The following PHF20 variants were observed in gnomAD, a reference collection of about 807,000 sequenced individuals.
PHF20 encodes the protein PHD finger protein 20, also known as glioma-expressed antigen 2.
A neutral mutation model predicts 113.5 loss-of-function variants in PHF20; 23 were observed. The observed-to-expected ratio is 0.20, with a 90% CI of 0.15 to 0.29. The LOEUF (loss-of-function observed/expected upper bound fraction) is 0.29. PHF20 is among the 10% of genes least tolerant of loss of function. The pLI, the probability that PHF20 is intolerant of heterozygous loss-of-function variation, is 1.00. For synonymous variants in PHF20, 434 were observed against 457.3 expected (o/e 0.95, Z 0.65); for missense variants, 943 against 1,219.6 (o/e 0.77, Z 3.38).
At chr20:35,874,925 C>A (rs533638539) in intron 9 of PHF20, among the ~76,000 whole-genome samples, 1 of 151,838 alleles carries the variant, frequency 6.6e-6, no homozygotes, top group Admixed American at 6.6e-5. Context: ...CATAGTGAGA[C>A]CCTCCCTCTT....
At chr20:35,869,317 G>T in intron 6 of PHF20, 121 bp from the exon 7 acceptor site, 1 of 491,982 alleles carries the variant, frequency 2.0e-6, no homozygotes, top group South Asian at 3.9e-5. Context: ...CCTTTTGATG[G>T]CCCATTTATA....
intron 10 of PHF20, among the ~76,000 whole-genome samples, chr20:35,910,795 A>C (rs936191438): frequency 6.6e-6 from 1 of 151,490 alleles, no homozygotes; most frequent in African/African-American, 2.4e-5. Context: ...CACCCAGCTA[A>C]TTTTTGTATT....
In PHF20 at chr20:35,798,753, C is replaced by CT. The variant is rs112228821; in HGVS notation, c.-32-2728dup. Among the ~76,000 whole-genome samples, 110 of 147,208 alleles carry CT rather than the reference C, an allele frequency of 7.5e-4. No homozygotes were observed. In the East Asian group the frequency reaches 0.01, roughly 14 times the overall value. On this transcript the variant is annotated intron_variant, in intron 1 of 17. Coordinates refer to ENST00000374012, the MANE Select transcript of PHF20 (RefSeq NM_016436.5). ...ATAGGCATGAGCCACCATGCCTGGCCTTTTTTTTTTGTTTTTGTTTTTTAA... is the reference window on the plus strand; with the variant it reads ...ATAGGCATGAGCCACCATGCCTGGCCTTTTTTTTTTTGTTTTTGTTTTTTAA...
chr20:35,862,022 T>C (rs537108640), intron 5 of PHF20, among the ~76,000 whole-genome samples: 54 of 152,284 alleles, frequency 3.5e-4, no homozygotes, highest in Non-Finnish European at 6.8e-4. Context: ...TTGGAATCTC[T>C]AGAGCTTTCA....
At chr20:35,922,865 T>C (rs1459929179) in intron 13 of PHF20, among the ~76,000 whole-genome samples, 1 of 152,198 alleles carries the variant, frequency 6.6e-6, no homozygotes, top group African/African-American at 2.4e-5. Context: ...TCTGTAATAC[T>C]AGCACTTTGG....
At chr20:35,921,844 TAGTCTGAC>T (rs2055523324) in intron 13 of PHF20, among the ~76,000 whole-genome samples, 1 of 152,238 alleles carries the variant, frequency 6.6e-6, no homozygotes, top group Admixed American at 6.5e-5. Flanking sequence ...CAGGCCTTGT[TAGTCTGAC>T]AGATTTGCCC....
At chr20:35,808,754 A>C (rs1165875033) in intron 2 of PHF20, among the ~76,000 whole-genome samples, 1 of 151,108 alleles carries the variant, frequency 6.6e-6, no homozygotes, top group South Asian at 2.1e-4. Flanking sequence ...TTCTATTTTT[A>C]GTAGAGACGG....
chr20:35,844,634 A>G (rs1190689253), intron 3 of PHF20, among the ~76,000 whole-genome samples: 2 of 151,558 alleles, frequency 1.3e-5, no homozygotes, highest in African/African-American at 2.4e-5. Context: ...AGAAGAAGAT[A>G]TCGAGTCCAA....
chr20:35,794,249 G>A (rs1456949088), intron 1 of PHF20, among the ~76,000 whole-genome samples: 1 of 149,628 alleles, frequency 6.7e-6, no homozygotes, highest in East Asian at 1.9e-4. Context: ...GCAGTGAGCC[G>A]AGATCGTGCC....
At chr20:35,853,614 T>C (rs958604386) in intron 4 of PHF20, among the ~76,000 whole-genome samples, 1 of 152,068 alleles carries the variant, frequency 6.6e-6, no homozygotes, top group Non-Finnish European at 1.5e-5. Context: ...AAAAATTGGC[T>C]GGACATGTTG....
intron 10 of PHF20, among the ~76,000 whole-genome samples, chr20:35,910,571 C>T (rs987662147): frequency 1.3e-5 from 2 of 152,090 alleles, no homozygotes; most frequent in African/African-American, 4.8e-5. Flanking sequence ...CACCTCTCCC[C>T]TCCCCCTGAG....
chr20:35,947,337 CCCTTCCTCCCTTGCCCCATGGAGGCTGAA>C, intron 17 of PHF20, 119 bp from the exon 18 acceptor site: 5 of 671,070 alleles, frequency 7.5e-6, no homozygotes, highest in South Asian at 7.3e-5. Context: ...GCTGAAATGG[CCCTTCCTCCCTTGCCCCATGGAGGCTGAA>C]ATGGCCCTTC....
chr20:35,854,862 A>G (rs1400896642), intron 4 of PHF20, among the ~76,000 whole-genome samples: 1 of 152,184 alleles, frequency 6.6e-6, no homozygotes, highest in Non-Finnish European at 1.5e-5. Flanking sequence ...CATGGAACTC[A>G]GGTTCCTTTT....
intron 13 of PHF20, among the ~76,000 whole-genome samples, chr20:35,923,150 G>A (rs896389769): frequency 6.6e-5 from 10 of 152,110 alleles, no homozygotes; most frequent in African/African-American, 1.9e-4. Context: ...AAACAAATGC[G>A]TATGGCTGTG....
intron 2 of PHF20, among the ~76,000 whole-genome samples, chr20:35,805,549 T>C (rs2041865836): frequency 6.6e-6 from 1 of 151,840 alleles, no homozygotes; most frequent in Non-Finnish European, 1.5e-5. Flanking sequence ...GGTTTCACTG[T>C]GTTAGCCAAG....
chr20:35,911,908 C>G (rs1260828751), intron 10 of PHF20, among the ~76,000 whole-genome samples: 2 of 152,124 alleles, frequency 1.3e-5, no homozygotes, highest in African/African-American at 4.8e-5. Flanking sequence ...ATTCACCTGC[C>G]TTGGCCTCCC....
Position 35,948,475 on chromosome 20 carries a change from A to T in PHF20, c.*848A>T, listed in dbSNP as rs901248310. The T allele has an allele frequency of 6.5e-6, 1 of 152,674 alleles. No individual in the cohort carries two copies. Among genetic ancestry groups the T allele is most frequent in the African/African-American group, 2.4e-5 (1 of 41,470 alleles). 9.5% of individuals were successfully genotyped at this position (152,674 alleles called of 1,614,324 possible). A position where few individuals can be genotyped will look rare whatever the true frequency, so the allele number is the denominator to read the frequency against. ...AACTCTTTCACTGTAAAGATTTGTT[A>T]CAAAGAATGTGGTTTGGGGAATTAC... On this transcript the variant is annotated 3_prime_UTR_variant, in exon 18 of 18. Coordinates refer to ENST00000374012, the MANE Select transcript of PHF20 (RefSeq NM_016436.5).
chr20:35,838,824 C>CAAA (rs11443640), intron 2 of PHF20, among the ~76,000 whole-genome samples: 1 of 142,390 alleles, frequency 7.0e-6, no homozygotes, highest in African/African-American at 2.6e-5. Context: ...TCCACCTCTA[C>CAAA]AAAAAAAAAA....
At chr20:35,879,624 C>T (rs1172890605) in intron 9 of PHF20, among the ~76,000 whole-genome samples, 1 of 151,852 alleles carries the variant, frequency 6.6e-6, no homozygotes, top group East Asian at 1.9e-4. Context: ...TGTTATTACA[C>T]TTGTGAAATT....
Sources: allele counts gnomAD v4.1 joint callset (sites outside exome capture counted in the v4.1 genomes callset), GRCh38; gene constraint gnomAD v4.1.1; transcripts MANE v1.5; gene names NCBI Gene and HGNC (gene_info 2026-07-23, HGNC 2026-07-21).